Variants in DPP6 observed in about 807,000 individuals in gnomAD.
DPP6 encodes dipeptidyl peptidase like 6.
DPP6 carries 69 observed loss-of-function variants against 122.6 expected under a neutral mutation model. The observed-to-expected ratio is 0.56, with a 90% CI of 0.46 to 0.69. The LOEUF (loss-of-function observed/expected upper bound fraction) is 0.69. Ranked by LOEUF, DPP6 falls within the 30% of genes least tolerant of loss-of-function variation. The probability of loss-of-function intolerance (pLI) is 0.00; values close to 1 mark genes in which losing one functional copy is unlikely to be tolerated. For synonymous variants in DPP6, 418 were observed against 433.1 expected, an observed-to-expected ratio of 0.97 and a Z score of 0.43; for missense variants, 928 against 1,116.9, an observed-to-expected ratio of 0.83 and a Z score of 2.41.
intron 1 of DPP6, among the ~76,000 whole-genome samples, chr7:153,927,204 T>G (rs888726069): frequency 2.0e-5 from 3 of 152,116 alleles, no homozygotes; most frequent in Non-Finnish European, 4.4e-5. Flanking sequence ...CTCTAACTAC[T>G]CAGAAGGCTG....
the DPP6 span, among the ~76,000 whole-genome samples, chr7:153,756,431 C>T: frequency 6.6e-6 from 1 of 151,934 alleles, no homozygotes; most frequent in Non-Finnish European, 1.5e-5. Flanking sequence ...TGGCACATTC[C>T]ATTATACGAG....
At chr7:154,174,854 A>C (rs1362108316) in intron 1 of DPP6, among the ~76,000 whole-genome samples, 3 of 146,674 alleles carry the variant, frequency 2.0e-5, no homozygotes, top group African/African-American at 2.5e-5. Context: ...TAATTTCTTC[A>C]CAGCCCAATT....
Position 154,024,434 on chromosome 7 carries a change from C to A in DPP6, c.51+136700C>A, listed in dbSNP as rs144679042. ...AGACACAACACATTTATTAGATGAT[C>A]AGTTTTTTTTTTCCTGTTATGTCAA... On this transcript the variant is annotated intron_variant, in intron 1 of 25. Coordinates refer to the DPP6 transcript ENST00000404039. Among the ~76,000 whole-genome samples, 978 of 152,054 alleles carry A rather than the reference C, an allele frequency of 6.4e-3. 7 individuals carry two copies. The highest frequency in any genetic ancestry group is 0.022 in the African/African-American group (930 of 41,454).
chr7:154,174,780 C>T (rs1797710298), intron 1 of DPP6, among the ~76,000 whole-genome samples: 1 of 152,064 alleles, frequency 6.6e-6, no homozygotes, highest in Non-Finnish European at 1.5e-5. Flanking sequence ...CCAGTTCTGT[C>T]TTCCTTGTCC....
intron 1 of DPP6, among the ~76,000 whole-genome samples, chr7:154,375,638 G>T (rs886885396): frequency 2.0e-5 from 3 of 151,706 alleles, no homozygotes; most frequent in African/African-American, 7.3e-5. Context: ...AGTGAGAAGG[G>T]AGCCATCCAC....
intron 1 of DPP6, among the ~76,000 whole-genome samples, chr7:154,252,724 T>A (rs62485804): frequency 0.12 from 18,448 of 152,246 alleles, 1,392 homozygotes; most frequent in Non-Finnish European, 0.17. Flanking sequence ...CCAAATGAGT[T>A]GGAAAAGTAA....
Position 154,880,871 on chromosome 7 carries a change from C to T in DPP6, c.2079-17C>T. 4 of 1,613,884 alleles carry T rather than the reference C, an allele frequency of 2.5e-6. No individual in the cohort carries two copies. Among genetic ancestry groups the T allele is most frequent in the Non-Finnish European group, 3.4e-6 (4 of 1,179,788 alleles). The stretch of plus-strand genomic sequence containing the variant: ...AGGATGTGCACTGAACCCTCTTTCC[C>T]CTCCTCGACCTCACAGGACGATGCT... On this transcript the variant is annotated splice_polypyrimidine_tract_variant and intron_variant, in intron 20 of 25. Coordinates refer to ENST00000377770, the MANE Select transcript of DPP6 (RefSeq NM_130797.4).
In DPP6 at chr7:154,225,562, G is replaced by GA. The variant is rs200719785; in HGVS notation, c.243+172507dup. 4.0e-4 allele frequency among the ~76,000 whole-genome samples: 59 copies of GA among 149,238 alleles called. 1 individual carries two copies. Among genetic ancestry groups the GA allele is most frequent in the African/African-American group, 1.3e-3 (53 of 39,416 alleles). On this transcript the variant is annotated intron_variant, in intron 1 of 25. Coordinates refer to ENST00000377770, the MANE Select transcript of DPP6 (RefSeq NM_130797.4). ...CATTGGTGTTTTTCCCTTAATCGAA[G>GA]AAAAAAAATGAGAAAAAAAAATCTC...
In DPP6 at chr7:154,685,392, G is replaced by C. The variant is rs188541698; in HGVS notation, c.762+15951G>C. 3.6e-3 allele frequency among the ~76,000 whole-genome samples: 547 copies of C among 152,306 alleles called. 3 individuals carry two copies. The highest frequency in any genetic ancestry group is 0.013 in the African/African-American group (524 of 41,572). On this transcript the variant is annotated intron_variant, in intron 7 of 25. Transcript: ENST00000377770. ...GCTACACTTCAACTTGTGTAACTAC[G>C]AATGCTGTGGCTGCATGCCCAGAGG...
chr7:154,063,353 T>C (rs1802337722), intron 1 of DPP6, among the ~76,000 whole-genome samples: 1 of 117,634 alleles, frequency 8.5e-6, no homozygotes, highest in Non-Finnish European at 1.8e-5. Context: ...AGGAACCCCA[T>C]TGCAGGAGGG....
intron 1 of DPP6, among the ~76,000 whole-genome samples, chr7:153,896,216 A>T (rs1460781270): frequency 1.3e-5 from 2 of 152,232 alleles, no homozygotes; most frequent in East Asian, 3.9e-4. Context: ...TATATAAACA[A>T]CTTTTAGTAA....
chr7:153,838,026 T>C, the DPP6 span, among the ~76,000 whole-genome samples: 6 of 151,818 alleles, frequency 4.0e-5, no homozygotes, highest in African/African-American at 1.5e-4. Flanking sequence ...TTATTGAAGC[T>C]AGTTTTGGGA....
Position 154,481,276 on chromosome 7 carries a change from A to G in DPP6, c.457+6239A>G, listed in dbSNP as rs184919632. Among the ~76,000 whole-genome samples, 1 of 152,176 alleles carries G rather than the reference A, an allele frequency of 6.6e-6. No individual in the cohort carries two copies. Among genetic ancestry groups the G allele is most frequent in the African/African-American group, 2.4e-5 (1 of 41,518 alleles). On this transcript the variant is annotated intron_variant, in intron 3 of 25. Transcript: ENST00000377770. The surrounding 1 kb of genome is among the most constrained non-coding windows in gnomAD (Gnocchi z 4.2). ...CCCCACAATGTTAGGTATTGTCTAT[A>G]TGATGATGAGTTTCAATTCTCTAGC...
chr7:154,472,019 A>G (rs1168053398), intron 2 of DPP6, among the ~76,000 whole-genome samples: 1 of 152,176 alleles, frequency 6.6e-6, no homozygotes, highest in Non-Finnish European at 1.5e-5. Context: ...CAAAAAGGAA[A>G]AACTTAAGAA....
chr7:154,353,099 A>T (rs1305590860), intron 1 of DPP6, among the ~76,000 whole-genome samples: 2 of 152,242 alleles, frequency 1.3e-5, no homozygotes, highest in Non-Finnish European at 2.9e-5. Flanking sequence ...TCAGACCTGC[A>T]GAATCCTAGG....
At chr7:154,063,363 G>C (rs1326352785) in intron 1 of DPP6, among the ~76,000 whole-genome samples, 1 of 131,500 alleles carries the variant, frequency 7.6e-6, no homozygotes, top group Admixed American at 7.8e-5. Flanking sequence ...TTGCAGGAGG[G>C]TGTGGCACCC....
rs946432776 is a variant in DPP6 at position 154,089,622 on chromosome 7, C to T, written c.243+36559C>T. 1.4e-4 allele frequency among the ~76,000 whole-genome samples: 18 copies of T among 128,810 alleles called. 1 individual carries two copies. Among genetic ancestry groups the T allele is most frequent in the Admixed American group, 4.2e-4 (5 of 11,874 alleles). 84.5% of individuals were successfully genotyped at this position (128,810 alleles called of 152,430 possible). ...ACCCTGCCTTGCTGCTCCACACACACGACTGACTGACAACATCCGTGACCC... is the reference window on the plus strand; with the variant it reads ...ACCCTGCCTTGCTGCTCCACACACATGACTGACTGACAACATCCGTGACCC... On this transcript the variant is annotated intron_variant, in intron 1 of 25. Coordinates refer to ENST00000377770, the MANE Select transcript of DPP6 (RefSeq NM_130797.4).
chr7:154,775,993 C>T (rs1366002433), intron 10 of DPP6, among the ~76,000 whole-genome samples: 1 of 152,004 alleles, frequency 6.6e-6, no homozygotes, highest in East Asian at 1.9e-4. Flanking sequence ...CCTGCAACCC[C>T]CCGCCGTTCC....
At chr7:154,783,767 C>T (rs979789941) in intron 10 of DPP6, among the ~76,000 whole-genome samples, 31 of 152,168 alleles carry the variant, frequency 2.0e-4, no homozygotes, top group African/African-American at 7.2e-4. Flanking sequence ...TGAGTAGAAG[C>T]ACTTCCTTCT....
Sources: gnomAD v4.1 joint callset for allele counts (sites outside exome capture counted in the v4.1 genomes callset) on GRCh38, gnomAD v4.1.1 for gene constraint, Gnocchi (gnomAD v3.1) non-coding constraint, MANE v1.5 for transcripts, NCBI Gene and HGNC (gene_info 2026-07-23, HGNC 2026-07-21) for gene names.